The following KIT variants were observed in gnomAD, a reference collection of about 807,000 sequenced individuals.
The protein encoded by KIT is KIT proto-oncogene, receptor tyrosine kinase, also known as mast/stem cell growth factor receptor Kit.
KIT carries 16 observed loss-of-function variants against 105.7 expected under a neutral mutation model. That is an observed-to-expected ratio of 0.15 (90% CI 0.10 to 0.23). The LOEUF (loss-of-function observed/expected upper bound fraction) is 0.23, where lower values mean the gene tolerates loss of function less well. KIT is among the 10% of genes least tolerant of loss of function. The pLI is 1.00. For missense variants in KIT, 858 were observed against 1,213.8 expected (o/e 0.71, Z 4.36); for synonymous variants, 438 against 441.1 (o/e 0.99, Z 0.09).
intron 9 of KIT, 125 bp downstream of exon 9, chr4:54,726,175 G>A: frequency 1.3e-6 from 1 of 774,314 alleles, no homozygotes; most frequent in Non-Finnish European, 2.2e-6. Context: ...ACACCATACT[G>A]TCATCAAACT....
Position 54,678,424 on chromosome 4 carries a change from C to G in KIT, c.68-17088C>G, listed in dbSNP as rs1051656038. 2.0e-5 allele frequency among the ~76,000 whole-genome samples: 3 copies of G among 146,742 alleles called. No homozygotes were observed. The Admixed American group carries it at 2.1e-4, about 10-fold the overall frequency. On this transcript the variant is annotated intron_variant, in intron 1 of 20. Coordinates refer to ENST00000288135, the MANE Select transcript of KIT (RefSeq NM_000222.3). ...TCCCTGCTCCTTCACGTTGCCTTAC[C>G]CCCTTCTCTTCTCTTCTTGCTGTCA...
chr4:54,682,645 G>C (rs1407715721), intron 1 of KIT, among the ~76,000 whole-genome samples: 2 of 151,738 alleles, frequency 1.3e-5, no homozygotes, highest in Non-Finnish European at 2.9e-5. Flanking sequence ...GCCAAGACTG[G>C]TCTTGAACTC....
In KIT at chr4:54,686,065, G is replaced by GT. The variant is rs556949228; in HGVS notation, c.68-9445dup. On this transcript the variant is annotated intron_variant, in intron 1 of 20. Coordinates refer to ENST00000288135, the MANE Select transcript of KIT (RefSeq NM_000222.3). ...ATTCCCATTTCATCAATAAGGACAC[G>GT]TTACACAAGTGCTTGCTTTGTTACT... Among the ~76,000 whole-genome samples, 28 of 152,272 alleles carry GT rather than the reference G, an allele frequency of 1.8e-4. No individual in the cohort carries two copies. In the South Asian group the frequency reaches 5.4e-3, roughly 29 times the overall value.
At chr4:54,676,358 A>G (rs1412834310) in intron 1 of KIT, among the ~76,000 whole-genome samples, 1 of 152,190 alleles carries the variant, frequency 6.6e-6, no homozygotes, top group Non-Finnish European at 1.5e-5. Flanking sequence ...CTTGAGTGTA[A>G]AAATTACTGG....
At chr4:54,674,387 T>C (rs938142777) in intron 1 of KIT, among the ~76,000 whole-genome samples, 5 of 152,232 alleles carry the variant, frequency 3.3e-5, no homozygotes, top group Non-Finnish European at 7.3e-5. Flanking sequence ...AGGATGACCC[T>C]CTGAGCTTTC....
intron 7 of KIT, among the ~76,000 whole-genome samples, chr4:54,719,075 C>T (rs1317657746): frequency 1.3e-5 from 2 of 152,172 alleles, no homozygotes; most frequent in African/African-American, 4.8e-5. Flanking sequence ...ATTTTAAAAA[C>T]AGAAATTCAT....
At chr4:54,701,253 G>A (rs1159666276) in intron 4 of KIT, among the ~76,000 whole-genome samples, 6 of 152,180 alleles carry the variant, frequency 3.9e-5, no homozygotes, top group Admixed American at 3.9e-4. Flanking sequence ...ACCAAATCAC[G>A]TGCAAACAAT....
At chr4:54,672,567 G>T (rs570649397) in intron 1 of KIT, among the ~76,000 whole-genome samples, 1 of 152,090 alleles carries the variant, frequency 6.6e-6, no homozygotes, top group African/African-American at 2.4e-5. Flanking sequence ...CCTGAGCTGG[G>T]GATTGGAAGT....
At chr4:54,690,855 T>G (rs1719660898) in intron 1 of KIT, among the ~76,000 whole-genome samples, 1 of 152,222 alleles carries the variant, frequency 6.6e-6, no homozygotes, top group Non-Finnish European at 1.5e-5. Context: ...ATAACAATAT[T>G]AAAGACAATT....
At chr4:54,671,069 C>G (rs753536151) in intron 1 of KIT, among the ~76,000 whole-genome samples, 1 of 152,192 alleles carries the variant, frequency 6.6e-6, no homozygotes, top group African/African-American at 2.4e-5. Context: ...GCTCCTGTTA[C>G]TGTAGCTGGC....
chr4:54,704,684 T>G (rs2109696694), intron 5 of KIT, among the ~76,000 whole-genome samples: 1 of 152,308 alleles, frequency 6.6e-6, no homozygotes, highest in South Asian at 2.1e-4. Context: ...GTTTACAATT[T>G]TTTTGTCTTT....
intron 1 of KIT, among the ~76,000 whole-genome samples, chr4:54,690,077 A>G (rs1169294320): frequency 6.9e-6 from 1 of 145,742 alleles, no homozygotes; most frequent in African/African-American, 2.6e-5. Flanking sequence ...GGGGCTGTGT[A>G]ATGTTCCATT....
At chr4:54,719,510 G>A (rs751146748) in intron 7 of KIT, among the ~76,000 whole-genome samples, 1 of 152,090 alleles carries the variant, frequency 6.6e-6, no homozygotes, top group Non-Finnish European at 1.5e-5. Context: ...CAAGCTGATC[G>A]GTGTTGTTGG....
chr4:54,733,959 A>G (rs918937829), intron 17 of KIT, among the ~76,000 whole-genome samples: 1 of 151,968 alleles, frequency 6.6e-6, no homozygotes, highest in African/African-American at 2.4e-5. Context: ...TTATTCCTGG[A>G]GGTGGATTTT....
chr4:54,679,293 G>T (rs1718737311), intron 1 of KIT, among the ~76,000 whole-genome samples: 1 of 152,170 alleles, frequency 6.6e-6, no homozygotes, highest in African/African-American at 2.4e-5. Flanking sequence ...GGAGAAAGGA[G>T]ATTTGCCTCT....
intron 1 of KIT, among the ~76,000 whole-genome samples, chr4:54,676,424 C>T (rs144065975): frequency 0.01 from 1,586 of 152,320 alleles, 12 homozygotes; most frequent in Non-Finnish European, 0.016. Flanking sequence ...CTCGTGGATT[C>T]TTCAATTCTC....
Position 54,740,477 on chromosome 4 carries a change from G to GAATTTA in KIT, c.*1920_*1921insAATTTA. On this transcript the variant is annotated 3_prime_UTR_variant, in exon 21 of 21. Coordinates refer to ENST00000288135, the MANE Select transcript of KIT (RefSeq NM_000222.3). Reference sequence around the variant, plus strand: ...AGATGTTTCTTTGCAGTGGCTTAATGTTTGAAATTATTTTGTGGCTTTTTT... The same window carrying GAATTTA: ...AGATGTTTCTTTGCAGTGGCTTAATGAATTTATTTGAAATTATTTTGTGGCTTTTTT... 4.3e-6 allele frequency: 1 copy of GAATTTA among 233,108 alleles called. No individual in the cohort carries two copies. Among genetic ancestry groups the GAATTTA allele is most frequent in the Non-Finnish European group, 8.5e-6 (1 of 117,744 alleles). 14.4% of individuals were successfully genotyped at this position (233,108 alleles called of 1,614,324 possible).
chr4:54,661,215 C>A (rs1339482270), intron 1 of KIT, among the ~76,000 whole-genome samples: 1 of 152,166 alleles, frequency 6.6e-6, no homozygotes, highest in African/African-American at 2.4e-5. Context: ...ATGTCATTGG[C>A]TATTTACCCT....
At chr4:54,693,560 C>T (rs895515878) in intron 1 of KIT, among the ~76,000 whole-genome samples, 1 of 152,156 alleles carries the variant, frequency 6.6e-6, no homozygotes, top group Admixed American at 6.5e-5. Context: ...CCATTACTGG[C>T]CAGGTTGTAC....
Sources: gnomAD v4.1 joint callset for allele counts (sites outside exome capture counted in the v4.1 genomes callset) on GRCh38, gnomAD v4.1.1 for gene constraint, MANE v1.5 for transcripts, NCBI Gene and HGNC (gene_info 2026-07-23, HGNC 2026-07-21) for gene names.